Variants in BAZ2B observed in about 807,000 individuals in gnomAD.
The protein encoded by BAZ2B is bromodomain adjacent to zinc finger domain 2B.
BAZ2B carries 91 observed loss-of-function variants against 246.0 expected under a neutral mutation model. That is an observed-to-expected ratio of 0.37 (90% CI 0.31 to 0.44). The LOEUF is 0.44. Ranked by LOEUF, BAZ2B falls within the 20% of genes least tolerant of loss-of-function variation. BAZ2B has a pLI of 1.00. For missense variants in BAZ2B, 2,332 were observed against 2,533.7 expected (o/e 0.92, Z 1.71); for synonymous variants, 855 against 860.0 (o/e 0.99, Z 0.10).
intron 14 of BAZ2B, among the ~76,000 whole-genome samples, chr2:159,410,386 G>T (rs2066625831): frequency 6.6e-6 from 1 of 152,204 alleles, no homozygotes; most frequent in Admixed American, 6.5e-5. Flanking sequence ...GGAGGGACCT[G>T]GTGGGTGGGG....
chr2:159,450,359 G>A (rs1298095249), intron 4 of BAZ2B, among the ~76,000 whole-genome samples: 7 of 146,304 alleles, frequency 4.8e-5, no homozygotes, highest in East Asian at 2.0e-4. Context: ...CCTGGGTGAC[G>A]GAGTGAAACT....
intron 1 of BAZ2B, among the ~76,000 whole-genome samples, chr2:159,598,542 T>C (rs927613767): frequency 6.6e-6 from 1 of 152,198 alleles, no homozygotes; most frequent in African/African-American, 2.4e-5. Context: ...GGGGAAATAC[T>C]GATCAAAAAC....
At chr2:159,676,464 C>A in the BAZ2B span, among the ~76,000 whole-genome samples, 3 of 152,054 alleles carry the variant, frequency 2.0e-5, no homozygotes, top group African/African-American at 7.2e-5. Context: ...TCCTAAATGA[C>A]AATAGTAAAC....
intron 2 of BAZ2B, among the ~76,000 whole-genome samples, chr2:159,522,065 TAATAC>T (rs2084195983): frequency 6.6e-6 from 1 of 152,036 alleles, no homozygotes; most frequent in Non-Finnish European, 1.5e-5. Context: ...GTTTTTAAAA[TAATAC>T]TTTTCCCTCA....
At chr2:159,685,255 T>G in the BAZ2B span, among the ~76,000 whole-genome samples, 1 of 152,182 alleles carries the variant, frequency 6.6e-6, no homozygotes, top group East Asian at 1.9e-4. Flanking sequence ...ATTAACAACT[T>G]CCAGATACCA....
chr2:159,526,291 A>G (rs2084725424), intron 2 of BAZ2B, among the ~76,000 whole-genome samples: 2 of 152,184 alleles, frequency 1.3e-5, no homozygotes, highest in Admixed American at 6.5e-5. Flanking sequence ...GTACAATTAT[A>G]TAGAAAGAAA....
intron 1 of BAZ2B, among the ~76,000 whole-genome samples, chr2:159,573,056 G>T (rs1684410630): frequency 6.6e-6 from 1 of 152,280 alleles, no homozygotes; most frequent in East Asian, 1.9e-4. Context: ...AAACGAGATA[G>T]TTTTCTAGAA....
intron 3 of BAZ2B, among the ~76,000 whole-genome samples, chr2:159,457,509 G>A (rs186571446): frequency 6.6e-6 from 1 of 152,224 alleles, no homozygotes; most frequent in East Asian, 1.9e-4. Flanking sequence ...GAGTCTTTAG[G>A]CAAACTTGCA....
At chr2:159,597,122 T>C (rs576983091) in intron 1 of BAZ2B, among the ~76,000 whole-genome samples, 1 of 152,308 alleles carries the variant, frequency 6.6e-6, no homozygotes, top group South Asian at 2.1e-4. Context: ...CATTGTGGTT[T>C]TGATTTGCAT....
At chr2:159,465,285 T>C (rs1273364818) in intron 3 of BAZ2B, among the ~76,000 whole-genome samples, 1 of 152,200 alleles carries the variant, frequency 6.6e-6, no homozygotes, top group South Asian at 2.1e-4. Context: ...ATACTGGATA[T>C]GTATTGGATT....
rs190637917 is a variant in BAZ2B at position 159,343,868 on chromosome 2, T to C, written c.5454+3618A>G. Among the ~76,000 whole-genome samples, 667 of 151,132 alleles carry C rather than the reference T, an allele frequency of 4.4e-3. 4 individuals carry two copies. Among genetic ancestry groups the C allele is most frequent in the African/African-American group, 0.015 (630 of 41,152 alleles). On this transcript the variant is annotated intron_variant, in intron 31 of 36. Coordinates refer to ENST00000392783, the MANE Select transcript of BAZ2B (RefSeq NM_013450.4). ...GATGAAATCCCATCTCTACTAAAAA[T>C]ACAAAAAATTAGCTGGGTGTGGTGG...
chr2:159,447,460 G>T (rs2074418517), intron 5 of BAZ2B, among the ~76,000 whole-genome samples: 1 of 152,072 alleles, frequency 6.6e-6, no homozygotes, highest in Non-Finnish European at 1.5e-5. Flanking sequence ...TGAAAAGAAA[G>T]ATAGTAAATC....
At chr2:159,370,413 C>A (rs1282812575) in intron 27 of BAZ2B, among the ~76,000 whole-genome samples, 1 of 130,064 alleles carries the variant, frequency 7.7e-6, no homozygotes, top group South Asian at 2.5e-4. Context: ...GACGCAGTCT[C>A]GCTCTCTTGC....
At chr2:159,587,190 T>C (rs1374202399) in intron 1 of BAZ2B, among the ~76,000 whole-genome samples, 2 of 152,022 alleles carry the variant, frequency 1.3e-5, no homozygotes, top group East Asian at 1.9e-4. Flanking sequence ...GCCATTCTCC[T>C]GCCTCAGCCT....
At chr2:159,445,468 T>C (rs2074097683) in intron 6 of BAZ2B, among the ~76,000 whole-genome samples, 1 of 152,116 alleles carries the variant, frequency 6.6e-6, no homozygotes, top group African/African-American at 2.4e-5. Flanking sequence ...GTTTCAGACT[T>C]TGTGGGAGAG....
chr2:159,565,741 C>A (rs964887659), intron 1 of BAZ2B, among the ~76,000 whole-genome samples: 1 of 136,520 alleles, frequency 7.3e-6, no homozygotes, highest in Non-Finnish European at 1.5e-5. Flanking sequence ...TGTGCCACTG[C>A]ATTCCAGCCT....
rs538689895 is a variant in BAZ2B, at chr2:159,332,537, T to C, written c.5943+3A>G. The stretch of plus-strand genomic sequence containing the variant: ...GAAAAGTTTAGTTTTAGATTGGTCT[T>C]ACCTTAGCAATGCAAGCTGGACAAA... On this transcript the variant is annotated splice_donor_region_variant and intron_variant, in intron 34 of 36. Coordinates refer to ENST00000392783, the MANE Select transcript of BAZ2B (RefSeq NM_013450.4). 3.7e-6 allele frequency: 6 copies of C among 1,611,502 alleles called. No individual in the cohort carries two copies. The African/African-American group carries it at 5.3e-5, about 14-fold the overall frequency.
chr2:159,534,441 C>T (rs1046050558), intron 2 of BAZ2B, among the ~76,000 whole-genome samples: 1 of 151,972 alleles, frequency 6.6e-6, no homozygotes, highest in Non-Finnish European at 1.5e-5. Flanking sequence ...AGAAATAGGC[C>T]TGAAATGTGA....
intron 20 of BAZ2B, among the ~76,000 whole-genome samples, chr2:159,393,019 TTGAC>T (rs1447543748): frequency 2.9e-5 from 4 of 135,986 alleles, no homozygotes; most frequent in Admixed American, 7.3e-5. Flanking sequence ...AAGTTAACAT[TTGAC>T]TGATGACTGA....
Sources: allele counts gnomAD v4.1 joint callset (sites outside exome capture counted in the v4.1 genomes callset), GRCh38; gene constraint gnomAD v4.1.1; transcripts MANE v1.5; gene names NCBI Gene and HGNC (gene_info 2026-07-23, HGNC 2026-07-21).